The following TTBK2 variants were observed in gnomAD, a reference collection of about 807,000 sequenced individuals.
The protein encoded by TTBK2 is tau-tubulin kinase 2.
In TTBK2, 28 loss-of-function variants were observed where a neutral mutation model predicts 110.8. That is an observed-to-expected ratio of 0.25 (90% CI 0.19 to 0.35). The LOEUF is 0.35. Among genes scored for constraint, TTBK2 ranks in the 10% least tolerant of loss-of-function variants. The pLI, the probability that TTBK2 is intolerant of heterozygous loss-of-function variation, is 1.00. For synonymous variants in TTBK2, 532 were observed against 527.3 expected, an observed-to-expected ratio of 1.01 and a Z score of -0.12; for missense variants, 1,369 against 1,500.3, an observed-to-expected ratio of 0.91 and a Z score of 1.45.
At chr15:42,758,179 T>G (rs1172435316) in intron 13 of TTBK2, among the ~76,000 whole-genome samples, 4 of 152,232 alleles carry the variant, frequency 2.6e-5, no homozygotes, top group Non-Finnish European at 5.9e-5. Flanking sequence ...ATGTGGTATA[T>G]GAAATTTCTA....
intron 3 of TTBK2, among the ~76,000 whole-genome samples, chr15:42,841,305 G>A (rs1893208747): frequency 6.6e-6 from 1 of 152,096 alleles, no homozygotes; most frequent in Admixed American, 6.6e-5. Context: ...CTCCTGGAGG[G>A]CTCAACTGAT....
At chr15:42,772,616 C>T (rs886894379) in intron 13 of TTBK2, among the ~76,000 whole-genome samples, 44 of 152,140 alleles carry the variant, frequency 2.9e-4, no homozygotes, top group African/African-American at 1.0e-3. Context: ...TTACTAGTGC[C>T]CAGCCACATT....
intron 9 of TTBK2, chr15:42,801,811 T>C: frequency 1.2e-6 from 1 of 842,350 alleles, no homozygotes; most frequent in Non-Finnish European, 2.1e-6. Flanking sequence ...GTAAGCTTCA[T>C]CTACATACTC....
At chr15:42,870,415 T>A (rs1894569680) in intron 3 of TTBK2, among the ~76,000 whole-genome samples, 1 of 151,998 alleles carries the variant, frequency 6.6e-6, no homozygotes, top group Non-Finnish European at 1.5e-5. Context: ...CTAGGGTTGT[T>A]AAGTACAGAA....
chr15:42,862,140 C>T (rs1469983060), intron 3 of TTBK2, among the ~76,000 whole-genome samples: 1 of 152,030 alleles, frequency 6.6e-6, no homozygotes, highest in Non-Finnish European at 1.5e-5. Flanking sequence ...GATTCACAGC[C>T]CAATTCTACC....
chr15:42,816,467 C>A (rs1268155099), intron 7 of TTBK2, among the ~76,000 whole-genome samples: 1 of 151,934 alleles, frequency 6.6e-6, no homozygotes, highest in African/African-American at 2.4e-5. Context: ...TCTTTTCTGG[C>A]AAATCCAATT....
At chr15:42,892,319 G>A (rs187050900) in intron 1 of TTBK2, among the ~76,000 whole-genome samples, 98 of 152,230 alleles carry the variant, frequency 6.4e-4, no homozygotes, top group African/African-American at 2.2e-3. Flanking sequence ...TATATGTTGT[G>A]TATGGCTGAT....
intron 12 of TTBK2, 89 bp from the exon 13 acceptor site, chr15:42,775,812 C>T (rs771440371): frequency 9.8e-6 from 10 of 1,017,740 alleles, no homozygotes; most frequent in African/African-American, 1.6e-5. Flanking sequence ...AATATGGACA[C>T]AAAGATGAGA....
At chr15:42,846,058 A>C (rs1019536619) in intron 3 of TTBK2, among the ~76,000 whole-genome samples, 2 of 152,116 alleles carry the variant, frequency 1.3e-5, no homozygotes, top group African/African-American at 4.8e-5. Flanking sequence ...TAGATTACTT[A>C]TGATACCTAA....
At chr15:42,902,998 A>G (rs1027566336) in intron 1 of TTBK2, among the ~76,000 whole-genome samples, 2 of 151,938 alleles carry the variant, frequency 1.3e-5, no homozygotes, top group African/African-American at 2.4e-5. Flanking sequence ...AAAAAAAAAA[A>G]AAAAGAAAGA....
chr15:42,775,035 T>C (rs890219093), intron 13 of TTBK2, 100 bp downstream of exon 13: 2 of 1,297,660 alleles, frequency 1.5e-6, no homozygotes, highest in Non-Finnish European at 2.2e-6. Flanking sequence ...CTGCAAAATT[T>C]AGGCCTGTAC....
rs371979113 is a variant in TTBK2, at chr15:42,801,764, G to C, written c.823-6963C>G. 3.2e-4 allele frequency: 266 copies of C among 819,012 alleles called. 1 individual carries two copies. The African/African-American group carries it at 3.9e-3, about 12-fold the overall frequency. 50.7% of individuals were successfully genotyped at this position (819,012 alleles called of 1,614,324 possible). ...CTGAGGAAGCTGATCTTGGCAGTCA[G>C]CTCTTTCAGGGAAGACTCCAGCTCC... On this transcript the variant is annotated intron_variant, in intron 9 of 14. Transcript: ENST00000267890.
chr15:42,746,902 A>G (rs1316337685), intron 14 of TTBK2, among the ~76,000 whole-genome samples: 1 of 152,004 alleles, frequency 6.6e-6, no homozygotes, highest in African/African-American at 2.4e-5. Flanking sequence ...TCTGGGATTA[A>G]GGAGGGTGGA....
intron 1 of TTBK2, 116 bp downstream of exon 1, chr15:42,920,322 C>T (rs1000838031): frequency 6.6e-6 from 1 of 152,274 alleles, no homozygotes; most frequent in African/African-American, 2.4e-5. Flanking sequence ...AACTGAAAGT[C>T]CCCGGTACCC....
chr15:42,822,422 T>G (rs1892344109), intron 6 of TTBK2, among the ~76,000 whole-genome samples: 1 of 152,086 alleles, frequency 6.6e-6, no homozygotes, highest in South Asian at 2.1e-4. Context: ...ACCTAGATAT[T>G]CAAATGAAAA....
At chr15:42,753,516 C>A (rs1027425879) in intron 13 of TTBK2, among the ~76,000 whole-genome samples, 1 of 152,180 alleles carries the variant, frequency 6.6e-6, no homozygotes, top group Non-Finnish European at 1.5e-5. Context: ...AGACTAATTT[C>A]TATAGACTGC....
At chr15:42,904,298 T>G (rs923130124) in intron 1 of TTBK2, among the ~76,000 whole-genome samples, 1 of 152,242 alleles carries the variant, frequency 6.6e-6, no homozygotes, top group Non-Finnish European at 1.5e-5. Flanking sequence ...AAGTTATGCA[T>G]GACCACAGGT....
At position 42,739,855 on chromosome 15, in the gene TTBK2, G is replaced by C. The variant is rs1241073751; in HGVS notation, c.*5940C>G. Reference sequence around the variant, plus strand: ...AATGCCCACACAGAGTTCAGATGTGGTGAAATGCTGGGCATTGATTCCTCA... The same window carrying C: ...AATGCCCACACAGAGTTCAGATGTGCTGAAATGCTGGGCATTGATTCCTCA... On this transcript the variant is annotated 3_prime_UTR_variant, in exon 15 of 15. Coordinates refer to ENST00000267890, the MANE Select transcript of TTBK2 (RefSeq NM_173500.4). The C allele has an allele frequency of 6.6e-6, 1 of 152,174 alleles. No individual in the cohort carries two copies. Among genetic ancestry groups the C allele is most frequent in the Non-Finnish European group, 1.5e-5 (1 of 68,038 alleles). The allele number at this position is 152,174 out of a possible 1,614,324, so 9.4% of individuals were successfully genotyped here.
intron 13 of TTBK2, among the ~76,000 whole-genome samples, chr15:42,757,828 A>G (rs1349036811): frequency 6.6e-6 from 1 of 152,198 alleles, no homozygotes; most frequent in Admixed American, 6.5e-5. Flanking sequence ...TCTGTTCTGT[A>G]ATTGTACCAT....
Sources: allele counts gnomAD v4.1 joint callset (sites outside exome capture counted in the v4.1 genomes callset), GRCh38; gene constraint gnomAD v4.1.1; transcripts MANE v1.5; gene names NCBI Gene and HGNC (gene_info 2026-07-23, HGNC 2026-07-21).